The following TAP2 variants were observed in gnomAD, a reference collection of about 807,000 sequenced individuals.
TAP2 encodes transporter 2, ATP binding cassette subfamily B member, also known as antigen peptide transporter 2.
Under a neutral mutation model 74.7 loss-of-function variants are expected in TAP2, and 49 were observed. That is an observed-to-expected ratio of 0.66 (90% CI 0.52 to 0.83). The LOEUF is 0.83. Among genes scored for constraint, TAP2 ranks in the 40% least tolerant of loss-of-function variants. The pLI, the probability that TAP2 is intolerant of heterozygous loss-of-function variation, is 0.00. For missense variants in TAP2, 739 were observed against 859.0 expected (o/e 0.86, Z 1.75); for synonymous variants, 306 against 368.4 (o/e 0.83, Z 1.94).
chr6:32,836,895 C>G (rs192338021), intron 3 of TAP2, among the ~76,000 whole-genome samples: 32 of 152,282 alleles, frequency 2.1e-4, no homozygotes, highest in African/African-American at 7.5e-4. Context: ...TAGAGACAAT[C>G]AGGCCGGCTG....
Position 32,838,101 on chromosome 6 carries a change from G to C in TAP2, c.133C>G (p.Arg45Gly). The C allele has an allele frequency of 6.2e-7, 1 of 1,611,674 alleles. No homozygotes were observed. The highest frequency in any genetic ancestry group is 8.5e-7 in the Non-Finnish European group (1 of 1,179,468). Residue 45 changes from arginine to glycine, a missense_variant, in exon 2 of 12, where the codon CGG (arginine) becomes GGG (glycine). By Grantham distance (125) the Arg-to-Gly change is moderately radical. Transcript: ENST00000374897. The part of the protein sequence containing the change: ...LPGLWLEGTL[R>G]LGGLWGLLKL... ...AGCAGCCCCCACAGCCCTCCCAGCC[G>C]CAGGGTCCCCTCCAGCCATAGTCCT...
In TAP2 at chr6:32,828,702, C is replaced by CCA; in HGVS notation, c.*203_*204insTG. Reference sequence around the variant, plus strand: ...CCCCACCCCACCCCACCCCACCTCTCTACCCCACCAAAAGCACACAGTGTC... The same window carrying CCA: ...CCCCACCCCACCCCACCCCACCTCTCCATACCCCACCAAAAGCACACAGTGTC... On this transcript the variant is annotated 3_prime_UTR_variant, in exon 12 of 12. Coordinates refer to ENST00000374897, the MANE Select transcript of TAP2 (RefSeq NM_001290043.2). 1 of 843,422 alleles carries CCA rather than the reference C, an allele frequency of 1.2e-6. No homozygotes were observed. Among genetic ancestry groups the CCA allele is most frequent in the Non-Finnish European group, 1.5e-6 (1 of 685,568 alleles). The allele number at this position is 843,422 out of a possible 1,614,324, so 52.2% of individuals were successfully genotyped here. A position where few individuals can be genotyped will look rare whatever the true frequency, so the allele number is the denominator to read the frequency against.
intron 7 of TAP2, 115 bp from the exon 8 acceptor site, chr6:32,830,921 A>G: frequency 1.0e-6 from 1 of 954,384 alleles, no homozygotes; most frequent in Non-Finnish European, 1.6e-6. Context: ...CATACTCAAA[A>G]GAGATTCTCC....
chr6:32,832,677 G>A lies in TAP2; in HGVS notation c.1093C>T (p.Leu365=). Reference sequence around the variant, plus strand: ...CGTTCCAGGTCTCTCCGCCAATACAGCTGCCGACATTGTTCAAGGGCCTCT... The same window carrying A: ...CGTTCCAGGTCTCTCCGCCAATACAACTGCCGACATTGTTCAAGGGCCTCT... The part of the protein sequence containing the change: ...YKEALEQCRQ[L]YWRRDLERAL... The change falls in exon 6 of 12, where the codon CTG becomes TTG. Residue 365 remains leucine (L), a synonymous_variant. Transcript: ENST00000374897. This position sits in a 1 kb window ranked among gnomAD's most constrained non-coding sequence, Gnocchi z 5.9. 1 of 1,613,044 alleles carries A rather than the reference G, an allele frequency of 6.2e-7. No homozygotes were observed. Among genetic ancestry groups the A allele is most frequent in the South Asian group, 1.1e-5 (1 of 91,078 alleles).
In TAP2 at chr6:32,837,911, G is replaced by GCCCCGTAC. The variant is rs2127367591; in HGVS notation, c.315_322dup (p.Ala108GlyfsTer15). The GCCCCGTAC allele has an allele frequency of 1.9e-6, 3 of 1,611,864 alleles. No individual in the cohort carries two copies. The East Asian group carries it at 6.7e-5, about 36-fold the overall frequency. On this transcript the variant is annotated frameshift_variant, in exon 2 of 12. Transcript: ENST00000374897. LOFTEE classifies it high-confidence loss of function. Reference sequence around the variant, plus strand: ...CCACAGTGACCAGCTGAGCCCCGCAGCCCCGTACCCCACCAGCAGCCAGCT... The same window carrying GCCCCGTAC: ...CCACAGTGACCAGCTGAGCCCCGCAGCCCCGTACCCCCGTACCCCACCAGCAGCCAGCT...
Position 32,828,731 on chromosome 6 carries a change from A to C in TAP2, c.*175T>G, listed in dbSNP as rs1768825658. The C allele has an allele frequency of 1.8e-5, 20 of 1,126,746 alleles. No homozygotes were observed. Among genetic ancestry groups the C allele is most frequent in the Non-Finnish European group, 2.1e-5 (19 of 916,942 alleles). The allele number at this position is 1,126,746 out of a possible 1,614,324, so 69.8% of individuals were successfully genotyped here. A position where few individuals can be genotyped will look rare whatever the true frequency, so the allele number is the denominator to read the frequency against. On this transcript the variant is annotated 3_prime_UTR_variant, in exon 12 of 12. Coordinates refer to ENST00000374897, the MANE Select transcript of TAP2 (RefSeq NM_001290043.2). Reference sequence around the variant, plus strand: ...CCCACCAAAAGCACACAGTGTCCAAATCTCCATCGTGCCTGCAACTCAGGA... The same window carrying C: ...CCCACCAAAAGCACACAGTGTCCAACTCTCCATCGTGCCTGCAACTCAGGA...
Position 32,835,277 on chromosome 6 carries a change from G to T in TAP2, c.822C>A (p.Ser274Arg). 2.5e-6 allele frequency: 4 copies of T among 1,613,094 alleles called. No homozygotes were observed. The highest frequency in any genetic ancestry group is 3.4e-6 in the Non-Finnish European group (4 of 1,180,036). ...CATACAGCCCCACCACTTTCACCAG[G>T]CTTCGCAAGAGCACATTGGCATTTA... ...LPLNANVLLR[S>R]LVKVVGLYGF... Residue 274 changes from serine to arginine, a missense_variant, in exon 5 of 12, where the codon AGC becomes AGA. Physicochemically the swap from Ser to Arg is moderately radical, Grantham distance 110. Transcript: ENST00000374897. This position sits in a 1 kb window ranked among gnomAD's most constrained non-coding sequence, Gnocchi z 4.0.
Position 32,826,241 on chromosome 6 carries a change from G to A in TAP2, c.*2665C>T. The A allele has an allele frequency of 5.1e-6, 5 of 985,432 alleles. No homozygotes were observed. Among genetic ancestry groups the A allele is most frequent in the Non-Finnish European group, 6.0e-6 (5 of 829,938 alleles). 61.0% of individuals were successfully genotyped at this position (985,432 alleles called of 1,614,324 possible). A position where few individuals can be genotyped will look rare whatever the true frequency, so the allele number is the denominator to read the frequency against. ...CCCTGGGTGGAGGCATAAAGGACTT[G>A]AAACTCAATGCTGTTTCCACATAGG... On this transcript the variant is annotated 3_prime_UTR_variant, in exon 12 of 12. Transcript: ENST00000374897.
Position 32,830,341 on chromosome 6 carries a change from G to A in TAP2, c.1561C>T (p.Gln521Ter). The A allele has an allele frequency of 2.5e-6, 4 of 1,613,072 alleles. No individual in the cohort carries two copies. Among genetic ancestry groups the A allele is most frequent in the Non-Finnish European group, 3.4e-6 (4 of 1,180,028 alleles). ...AGCAGCACCTGTCCCCCTGTGGGCT[G>A]GTACAGATTCTGCAGCAGGGCAGCC... ...TVAALLQNLYQPTGGQVLLDE... is the reference protein window; with the variant it reads ...TVAALLQNLY Residue 521 changes from glutamine (Q) to a stop codon, truncating the protein, a stop_gained, in exon 9 of 12, where the codon CAG (glutamine) becomes TAG (stop). Coordinates refer to ENST00000374897, the MANE Select transcript of TAP2 (RefSeq NM_001290043.2). LOFTEE classifies it high-confidence loss of function.
downstream of TAP2, chr6:32,822,338 A>C (rs760308758): frequency 3.4e-6 from 5 of 1,479,402 alleles, no homozygotes; most frequent in South Asian, 6.3e-5. Context: ...AAAAACAAAA[A>C]AAACCCCTTG....
At chr6:32,830,202 A>T (rs1399581187) in intron 9 of TAP2, 65 bp downstream of exon 9, 17 of 1,612,430 alleles carry the variant, frequency 1.1e-5, no homozygotes, top group Middle Eastern at 1.6e-4. Flanking sequence ...CTTCCCGTGG[A>T]TCTCCCATCC....
chr6:32,835,514 C>T lies in TAP2; in HGVS notation c.739+129G>A, dbSNP rs2127363705. On this transcript the variant is annotated intron_variant, in intron 4 of 11. Transcript: ENST00000374897. The surrounding 1 kb of genome is among the most constrained non-coding windows in gnomAD (Gnocchi z 4.0). ...AGTGGAGGCTGCTTCTCCACCCTGT[C>T]CCAAACAAGAGAAAAGCATCCCCAA... is the stretch of plus-strand genomic sequence containing the variant. 4.0e-6 allele frequency: 6 copies of T among 1,495,090 alleles called. No homozygotes were observed. The South Asian group carries it at 5.8e-5, about 15-fold the overall frequency. 92.6% of individuals were successfully genotyped at this position (1,495,090 alleles called of 1,614,324 possible).
rs1212242834 is a variant in TAP2 at position 32,827,112 on chromosome 6, C to T, written c.*1794G>A. The T allele has an allele frequency of 4.1e-6, 4 of 985,756 alleles. No individual in the cohort carries two copies. The highest frequency in any genetic ancestry group is 4.7e-5 in the South Asian group (1 of 21,280). The allele number at this position is 985,756 out of a possible 1,614,324, so 61.1% of individuals were successfully genotyped here. A position where few individuals can be genotyped will look rare whatever the true frequency, so the allele number is the denominator to read the frequency against. ...CACTGCACCCTGCTCCCAACAGCTGCCAGGCAAGAAAAAATCCAAAACAGC... is the reference window on the plus strand; with the variant it reads ...CACTGCACCCTGCTCCCAACAGCTGTCAGGCAAGAAAAAATCCAAAACAGC... On this transcript the variant is annotated 3_prime_UTR_variant, in exon 12 of 12. Transcript: ENST00000374897.
rs1287790273 is a variant in TAP2 at position 32,825,960 on chromosome 6, T to A, written c.*2946A>T. 1.0e-6 allele frequency: 1 copy of A among 982,358 alleles called. No individual in the cohort carries two copies. The highest frequency in any genetic ancestry group is 1.2e-6 in the Non-Finnish European group (1 of 827,446). The allele number at this position is 982,358 out of a possible 1,614,324, so 60.9% of individuals were successfully genotyped here. A position where few individuals can be genotyped will look rare whatever the true frequency, so the allele number is the denominator to read the frequency against. On this transcript the variant is annotated 3_prime_UTR_variant, in exon 12 of 12. Coordinates refer to ENST00000374897, the MANE Select transcript of TAP2 (RefSeq NM_001290043.2). ...AGATACTTGGCACAGCAATAGCACATAGTAAGCACCAGTGAATGCTTAGTA... is the reference window on the plus strand; with the variant it reads ...AGATACTTGGCACAGCAATAGCACAAAGTAAGCACCAGTGAATGCTTAGTA...
chr6:32,830,907 C>A, intron 7 of TAP2, 101 bp from the exon 8 acceptor site: 1 of 1,018,636 alleles, frequency 9.8e-7, no homozygotes, highest in South Asian at 1.4e-5. Flanking sequence ...CACTGCTCCT[C>A]CTCCATACTC....
Position 32,835,882 on chromosome 6 carries a change from G to T in TAP2, c.609-109C>A, listed in dbSNP as rs1366765575. 21 of 1,448,324 alleles carry T rather than the reference G, an allele frequency of 1.4e-5. No homozygotes were observed. The highest frequency in any genetic ancestry group is 1.9e-5 in the Non-Finnish European group (20 of 1,038,084). The allele number at this position is 1,448,324 out of a possible 1,614,324, so 89.7% of individuals were successfully genotyped here. A position where few individuals can be genotyped will look rare whatever the true frequency, so the allele number is the denominator to read the frequency against. ...CAGAGAAGCGCAAAGTCAGGGGAAA[G>T]CATGCCAGGAGGGGCAAAAGAGAAA... On this transcript the variant is annotated intron_variant, in intron 3 of 11. Coordinates refer to ENST00000374897, the MANE Select transcript of TAP2 (RefSeq NM_001290043.2). The surrounding 1 kb of genome is among the most constrained non-coding windows in gnomAD (Gnocchi z 4.0).
downstream of TAP2, chr6:32,822,419 T>A: frequency 1.3e-6 from 1 of 763,012 alleles, no homozygotes; most frequent in South Asian, 1.7e-5. Flanking sequence ...TTTGTGTCAG[T>A]ATAATAAGTA....
In TAP2 at chr6:32,828,679, C is replaced by CACACCA; in HGVS notation, c.*226_*227insTGGTGT. 1.1e-6 allele frequency: 1 copy of CACACCA among 948,140 alleles called. No homozygotes were observed. Among genetic ancestry groups the CACACCA allele is most frequent in the Non-Finnish European group, 1.3e-6 (1 of 788,692 alleles). 58.7% of individuals were successfully genotyped at this position (948,140 alleles called of 1,614,324 possible). On this transcript the variant is annotated 3_prime_UTR_variant, in exon 12 of 12. Coordinates refer to ENST00000374897, the MANE Select transcript of TAP2 (RefSeq NM_001290043.2). ...TAAGTTTCCTGGACACAGACAGCCC[C>CACACCA]CACCCCACCCCACCCCACCTCTCTA...
chr6:32,825,746 G>A lies in TAP2; in HGVS notation c.*3160C>T, dbSNP rs13501. On this transcript the variant is annotated 3_prime_UTR_variant, in exon 12 of 12. Coordinates refer to ENST00000374897, the MANE Select transcript of TAP2 (RefSeq NM_001290043.2). The stretch of plus-strand genomic sequence containing the variant: ...AGAGGATAGTAGGAAGATAAGTGGA[G>A]TCAGGGAGTATAGGCAACTCTTTTG... The A allele has an allele frequency of 0.36, 54,911 of 152,100 alleles. 10,064 individuals are homozygous for A. Among genetic ancestry groups the A allele is most frequent in the South Asian group, 0.41 (2,001 of 4,824 alleles). The allele number at this position is 152,100 out of a possible 1,614,324, so 9.4% of individuals were successfully genotyped here.
Sources: gnomAD v4.1 joint callset for allele counts (sites outside exome capture counted in the v4.1 genomes callset) on GRCh38, gnomAD v4.1.1 for gene constraint, Gnocchi (gnomAD v3.1) non-coding constraint, MANE v1.5 for transcripts, NCBI Gene and HGNC (gene_info 2026-07-23, HGNC 2026-07-21) for gene names.